The following MIB1 variants were observed in gnomAD, a reference collection of about 807,000 sequenced individuals.
The protein encoded by MIB1 is MIB E3 ubiquitin protein ligase 1.
Under a neutral mutation model 124.5 loss-of-function variants are expected in MIB1, and 278 were observed. That is an observed-to-expected ratio of 2.23 (90% CI 2.02 to 2.47). The LOEUF is 2.47. Among genes scored for constraint, MIB1 ranks in the 30% most tolerant of loss-of-function variants. MIB1 has a pLI of 0.00. For synonymous variants in MIB1, 446 were observed against 429.4 expected, an observed-to-expected ratio of 1.04 and a Z score of -0.48; for missense variants, 957 against 1,254.4, an observed-to-expected ratio of 0.76 and a Z score of 3.58.
In MIB1 at chr18:21,740,848, C is replaced by T. The variant is rs1031271868; in HGVS notation, c.-736C>T. Among the ~76,000 whole-genome samples the T allele has an allele frequency of 1.3e-5, 2 of 152,260 alleles. No individual in the cohort carries two copies. Among genetic ancestry groups the T allele is most frequent in the African/African-American group, 2.4e-5 (1 of 41,472 alleles). ...TTTTCTCCTCCTTTCTTCCCGCGAT[C>T]GCGCGGCTCTCTGGAAGCCTTCCCA... On this transcript the variant is annotated 5_prime_UTR_variant, in exon 1 of 21. Transcript: ENST00000261537.
intron 16 of MIB1, among the ~76,000 whole-genome samples, chr18:21,848,067 A>T (rs12458857): frequency 0.53 from 79,851 of 152,062 alleles, 24,101 homozygotes; most frequent in Non-Finnish European, 0.67. Context: ...ATCTCTTTGG[A>T]ATCTGTGCAT....
chr18:21,829,019 A>G (rs1433539698), intron 12 of MIB1: 5 of 480,082 alleles, frequency 1.0e-5, no homozygotes, highest in Admixed American at 6.8e-5. Flanking sequence ...CCAAAAATAC[A>G]TACTTCTTTA....
chr18:21,849,428 G>T, intron 17 of MIB1, 40 bp downstream of exon 17: 1 of 1,211,952 alleles, frequency 8.3e-7, no homozygotes. Context: ...ATTTTATGAA[G>T]TTGAGACTAG....
At chr18:21,843,009 C>T (rs1017592301) in intron 13 of MIB1, 122 bp from the exon 14 acceptor site, 1 of 609,922 alleles carries the variant, frequency 1.6e-6, no homozygotes, top group Non-Finnish European at 2.7e-6. Context: ...AACATTGCAG[C>T]AGCTGAAGGA....
chr18:21,721,507 A>G (rs2040715991), intron 1 of MIB1, among the ~76,000 whole-genome samples: 1 of 152,078 alleles, frequency 6.6e-6, no homozygotes, highest in African/African-American at 2.4e-5. Flanking sequence ...TTATGATTTT[A>G]CTAAAACTTA....
Position 21,865,864 on chromosome 18 carries a change from G to T in MIB1, c.*1198G>T, listed in dbSNP as rs2042317120. 1 of 152,086 alleles carries T rather than the reference G, an allele frequency of 6.6e-6. No homozygotes were observed. Among genetic ancestry groups the T allele is most frequent in the Admixed American group, 6.6e-5 (1 of 15,254 alleles). 9.4% of individuals were successfully genotyped at this position (152,086 alleles called of 1,614,324 possible). A position where few individuals can be genotyped will look rare whatever the true frequency, so the allele number is the denominator to read the frequency against. On this transcript the variant is annotated 3_prime_UTR_variant, in exon 21 of 21. Coordinates refer to ENST00000261537, the MANE Select transcript of MIB1 (RefSeq NM_020774.4). ...TAATTATAAATACTTTAGAAAGAGT[G>T]ACCAGGACATGTATAGAAATGTCTG...
chr18:21,783,068 G>C (rs2041389047), intron 6 of MIB1, among the ~76,000 whole-genome samples: 2 of 152,102 alleles, frequency 1.3e-5, no homozygotes, highest in Admixed American at 6.5e-5. Flanking sequence ...TATTTTATCT[G>C]ATATAAAAGT....
Position 21,799,985 on chromosome 18 carries a change from T to C in MIB1, c.1371+11T>C, listed in dbSNP as rs2041632778. 6.2e-7 allele frequency: 1 copy of C among 1,606,314 alleles called. No individual in the cohort carries two copies. Among genetic ancestry groups the C allele is most frequent in the African/African-American group, 1.3e-5 (1 of 74,834 alleles). On this transcript the variant is annotated intron_variant, in intron 9 of 20. Transcript: ENST00000261537. ...AGACCAGATGTGGATGTGAGCATTT[T>C]AAAAATTATTTTGAAGCATACAAAA... is the stretch of plus-strand genomic sequence containing the variant.
intron 20 of MIB1, among the ~76,000 whole-genome samples, 183 bp from the exon 21 acceptor site, chr18:21,864,342 AG>A (rs1480622643): frequency 6.6e-6 from 1 of 152,180 alleles, no homozygotes; most frequent in Non-Finnish European, 1.5e-5. Context: ...TAGTACAACC[AG>A]TGTTTCTATT....
intron 3 of MIB1, among the ~76,000 whole-genome samples, chr18:21,771,535 T>C (rs556364790): frequency 6.6e-6 from 1 of 152,268 alleles, no homozygotes; most frequent in South Asian, 2.1e-4. Context: ...GAAGGTTATG[T>C]AGTGGTTAGT....
chr18:21,777,496 ATTAT>A (rs2041303984), intron 4 of MIB1, among the ~76,000 whole-genome samples: 1 of 152,164 alleles, frequency 6.6e-6, no homozygotes. Flanking sequence ...AACTATTATA[ATTAT>A]TTATTAATTA....
chr18:21,814,508 A>G (rs1315624168), intron 10 of MIB1, among the ~76,000 whole-genome samples: 2 of 152,040 alleles, frequency 1.3e-5, no homozygotes, highest in East Asian at 3.9e-4. Flanking sequence ...TATTAAGGCC[A>G]GGAGTTAAAG....
At position 21,862,045 on chromosome 18, in the gene MIB1, GCATGTGCTGC is replaced by G. The variant is rs1258843733; in HGVS notation, c.2881-2478_2881-2469del. 1.1e-4 allele frequency among the ~76,000 whole-genome samples: 17 copies of G among 152,194 alleles called. No individual in the cohort carries two copies. In the East Asian group the frequency reaches 3.3e-3, roughly 29 times the overall value. On this transcript the variant is annotated intron_variant, in intron 20 of 20. Transcript: ENST00000261537. ...GCCTCCCAAGTTGCTGGGACTACAG[GCATGTGCTGC>G]CACACCTGGCTAATTTATTATTTTT...
intron 7 of MIB1, among the ~76,000 whole-genome samples, chr18:21,793,249 G>A (rs1040377633): frequency 3.3e-5 from 5 of 152,194 alleles, no homozygotes; most frequent in Non-Finnish European, 7.3e-5. Context: ...AAGTCAGAAA[G>A]GATGGAACTA....
chr18:21,772,547 C>T (rs558834789), intron 3 of MIB1, among the ~76,000 whole-genome samples: 1 of 152,294 alleles, frequency 6.6e-6, no homozygotes, highest in South Asian at 2.1e-4. Context: ...TTGGGATGCT[C>T]TAAGTACAGT....
At chr18:21,749,115 T>C (rs960964829) in intron 1 of MIB1, among the ~76,000 whole-genome samples, 3 of 152,132 alleles carry the variant, frequency 2.0e-5, no homozygotes, top group African/African-American at 7.2e-5. Context: ...TTCTTTTTTT[T>C]CCACTTGACG....
intron 1 of MIB1, among the ~76,000 whole-genome samples, chr18:21,732,001 A>ATTT (rs1334453849): frequency 1.3e-5 from 2 of 150,982 alleles, no homozygotes; most frequent in East Asian, 3.9e-4. Flanking sequence ...AAGAAGAAGA[A>ATTT]AAATGGGTGC....
rs150374755 is a variant in MIB1 at position 21,847,911 on chromosome 18, A to G, written c.2393+786A>G. 1.6e-4 allele frequency among the ~76,000 whole-genome samples: 25 copies of G among 152,324 alleles called. No individual in the cohort carries two copies. The South Asian group carries it at 3.5e-3, about 21-fold the overall frequency. On this transcript the variant is annotated intron_variant, in intron 16 of 20. Coordinates refer to ENST00000261537, the MANE Select transcript of MIB1 (RefSeq NM_020774.4). ...TTTATAGATGTACAAAAAGGTACAC[A>G]TCTCATTGCTTTTTTAAATCTGAAC...
intron 1 of MIB1, among the ~76,000 whole-genome samples, chr18:21,723,704 C>T (rs11083304): frequency 2.0e-5 from 3 of 151,914 alleles, no homozygotes; most frequent in Non-Finnish European, 4.4e-5. Flanking sequence ...TTAGTAGAGA[C>T]GGGGTTTCCC....
Sources: gnomAD v4.1 joint callset for allele counts (sites outside exome capture counted in the v4.1 genomes callset) on GRCh38, gnomAD v4.1.1 for gene constraint, MANE v1.5 for transcripts, NCBI Gene and HGNC (gene_info 2026-07-23, HGNC 2026-07-21) for gene names.